Variants in BNC2 observed in about 807,000 individuals in gnomAD.
The protein encoded by BNC2 is basonuclin zinc finger protein 2, also known as zinc finger protein basonuclin-2.
BNC2 carries 20 observed loss-of-function variants against 76.3 expected under a neutral mutation model. The ratio of observed to expected loss-of-function variants is 0.26; its 90% CI spans 0.18 to 0.38. The LOEUF (loss-of-function observed/expected upper bound fraction) is 0.38, where lower values mean the gene tolerates loss of function less well. Among genes scored for constraint, BNC2 ranks in the 10% least tolerant of loss-of-function variants. The probability of loss-of-function intolerance (pLI) is 1.00; values close to 1 mark genes in which losing one functional copy is unlikely to be tolerated. For synonymous variants in BNC2, 582 were observed against 514.8 expected, an observed-to-expected ratio of 1.13 and a Z score of -1.77; for missense variants, 1,382 against 1,399.8, an observed-to-expected ratio of 0.99 and a Z score of 0.20.
intron 1 of BNC2, among the ~76,000 whole-genome samples, chr9:16,838,713 A>C (rs1437144268): frequency 6.6e-6 from 1 of 152,202 alleles, no homozygotes; most frequent in Non-Finnish European, 1.5e-5. Flanking sequence ...TAGACTTCAA[A>C]GTAGACATGA....
rs763039059 is a variant in BNC2, at chr9:16,437,397, T to C, written c.797A>G (p.Lys266Arg). The C allele has an allele frequency of 9.3e-6, 15 of 1,611,780 alleles. No individual in the cohort carries two copies. The highest frequency in any genetic ancestry group is 1.3e-5 in the Non-Finnish European group (15 of 1,178,136). ...TGGTACAGCCACGGCCTGCCCTTCT[T>C]TCTCCTGAATTGCCATCAGCTCCAC... Reference protein sequence around the residue: ...SIVELMAIQEKEGQAVAVPSS... With the variant: ...SIVELMAIQEREGQAVAVPSS... Residue 266 changes from lysine (K) to arginine (R), a missense_variant, in exon 6 of 7, where the codon AAA becomes AGA. By Grantham distance (26) the Lys-to-Arg change is conservative. Coordinates refer to ENST00000380672, the MANE Select transcript of BNC2 (RefSeq NM_017637.6).
intron 3 of BNC2, among the ~76,000 whole-genome samples, chr9:16,682,118 T>C (rs530688730): frequency 2.2e-3 from 328 of 151,972 alleles, no homozygotes; most frequent in African/African-American, 7.6e-3. Flanking sequence ...AAATAAGTTA[T>C]ACCCATTTAA....
In BNC2 at chr9:16,542,358, C is replaced by T. The variant is rs115847818; in HGVS notation, c.669+10172G>A. 5.3e-5 allele frequency among the ~76,000 whole-genome samples: 8 copies of T among 151,664 alleles called. 1 individual carries two copies. Among genetic ancestry groups the T allele is most frequent in the African/African-American group, 1.7e-4 (7 of 41,306 alleles). On this transcript the variant is annotated intron_variant, in intron 5 of 6. Coordinates refer to ENST00000380672, the MANE Select transcript of BNC2 (RefSeq NM_017637.6). ...GTCCCCTATCTCAAGTCTACCTTGA[C>T]TGAAAAAAAGAGAGAAAGAAAAGAG...
At chr9:16,767,850 A>G (rs1005296642) in intron 1 of BNC2, among the ~76,000 whole-genome samples, 2 of 152,188 alleles carry the variant, frequency 1.3e-5, no homozygotes, top group Non-Finnish European at 2.9e-5. Context: ...AATTTTAAAG[A>G]AAATCCAAAA....
At position 16,460,702 on chromosome 9, in the gene BNC2, A is replaced by T. The variant is rs188900608; in HGVS notation, c.670-23178T>A. Among the ~76,000 whole-genome samples, 23 of 152,284 alleles carry T rather than the reference A, an allele frequency of 1.5e-4. No individual in the cohort carries two copies. The East Asian group carries it at 4.2e-3, about 28-fold the overall frequency. ...GTCACAGAGCGGTGCTTCAACACCG[A>T]GTCTTTTACTTACTATGATCTGCGT... On this transcript the variant is annotated intron_variant, in intron 5 of 6. Coordinates refer to ENST00000380672, the MANE Select transcript of BNC2 (RefSeq NM_017637.6).
At chr9:16,576,801 A>G (rs1467039606) in intron 4 of BNC2, among the ~76,000 whole-genome samples, 1 of 152,324 alleles carries the variant, frequency 6.6e-6, no homozygotes, top group Non-Finnish European at 1.5e-5. Flanking sequence ...GCAATGGCAC[A>G]ATCTCGGCTC....
At chr9:16,651,305 C>T (rs924718970) in intron 3 of BNC2, among the ~76,000 whole-genome samples, 18 of 152,210 alleles carry the variant, frequency 1.2e-4, no homozygotes, top group Non-Finnish European at 1.6e-4. Context: ...AAAAGAAAAA[C>T]AAGTAACTTA....
In BNC2 at chr9:16,498,296, C is replaced by G. The variant is rs1206202352; in HGVS notation, c.669+54234G>C. 2.0e-5 allele frequency among the ~76,000 whole-genome samples: 2 copies of G among 102,186 alleles called. 1 individual carries two copies. Among genetic ancestry groups the G allele is most frequent in the Admixed American group, 2.0e-4 (2 of 9,890 alleles). 67.0% of individuals were successfully genotyped at this position (102,186 alleles called of 152,430 possible). Reference sequence around the variant, plus strand: ...TCCATCATATATATATATATTCCATCATATATATATATGAATATATGATGG... The same window carrying G: ...TCCATCATATATATATATATTCCATGATATATATATATGAATATATGATGG... On this transcript the variant is annotated intron_variant, in intron 5 of 6. Transcript: ENST00000380672.
At chr9:16,688,468 T>A (rs1823043863) in intron 3 of BNC2, among the ~76,000 whole-genome samples, 1 of 152,176 alleles carries the variant, frequency 6.6e-6, no homozygotes. Flanking sequence ...TAACCATTAT[T>A]TAATATAAAT....
At chr9:16,540,476 G>T (rs1818285539) in intron 5 of BNC2, among the ~76,000 whole-genome samples, 1 of 152,002 alleles carries the variant, frequency 6.6e-6, no homozygotes, top group Non-Finnish European at 1.5e-5. Flanking sequence ...TGAGTATAGG[G>T]TCTCTATATC....
chr9:16,830,349 G>A lies in BNC2; in HGVS notation c.3+40297C>T, dbSNP rs78646437. On this transcript the variant is annotated intron_variant, in intron 1 of 6. Transcript: ENST00000380672. ...TCCCTCTGAGGATAGCAAAATCTTC[G>A]AACGCTCAAATCCCTTAAAAATTGG... is the stretch of plus-strand genomic sequence containing the variant. Among the ~76,000 whole-genome samples the A allele has an allele frequency of 5.0e-3, 758 of 152,184 alleles. 5 individuals are homozygous for A. Among genetic ancestry groups the A allele is most frequent in the African/African-American group, 0.016 (683 of 41,502 alleles).
intron 1 of BNC2, among the ~76,000 whole-genome samples, chr9:16,766,345 C>T (rs1586866589): frequency 1.3e-5 from 2 of 152,232 alleles, no homozygotes; most frequent in East Asian, 3.9e-4. Flanking sequence ...CATTCTGCAG[C>T]TCTGAACACG....
At chr9:16,540,489 A>C (rs1038529231) in intron 5 of BNC2, among the ~76,000 whole-genome samples, 1 of 152,166 alleles carries the variant, frequency 6.6e-6, no homozygotes, top group Non-Finnish European at 1.5e-5. Context: ...TCTATATCTA[A>C]AACTTTGACT....
At chr9:16,444,285 G>A (rs1429665485) in intron 5 of BNC2, among the ~76,000 whole-genome samples, 2 of 152,030 alleles carry the variant, frequency 1.3e-5, no homozygotes, top group Non-Finnish European at 2.9e-5. Flanking sequence ...ATATAAATGG[G>A]GGTACATGCT....
At chr9:16,496,326 C>T (rs1172200453) in intron 5 of BNC2, among the ~76,000 whole-genome samples, 2 of 152,100 alleles carry the variant, frequency 1.3e-5, no homozygotes, top group Non-Finnish European at 2.9e-5. Context: ...ATAAAGAATT[C>T]GGAGTCTACA....
intron 5 of BNC2, among the ~76,000 whole-genome samples, chr9:16,480,616 C>A (rs1370194965): frequency 6.6e-6 from 1 of 152,204 alleles, no homozygotes; most frequent in Non-Finnish European, 1.5e-5. Context: ...GCAGGCCGGC[C>A]CTGCTGGACC....
chr9:16,849,093 G>C (rs897828145), intron 1 of BNC2, among the ~76,000 whole-genome samples: 1 of 152,104 alleles, frequency 6.6e-6, no homozygotes, highest in South Asian at 2.1e-4. Flanking sequence ...AACACAGGTT[G>C]TTCTAGCTTT....
intron 1 of BNC2, among the ~76,000 whole-genome samples, chr9:16,795,314 C>T (rs940120327): frequency 6.6e-6 from 1 of 151,812 alleles, no homozygotes; most frequent in African/African-American, 2.4e-5. Flanking sequence ...CAGAGACGCC[C>T]AATCTGCACG....
intron 1 of BNC2, among the ~76,000 whole-genome samples, chr9:16,755,757 T>C (rs1434995358): frequency 1.3e-5 from 2 of 152,158 alleles, no homozygotes; most frequent in East Asian, 3.9e-4. Context: ...TCAAATCTGC[T>C]CCTCCTCCAG....
Sources: gnomAD v4.1 joint callset for allele counts (sites outside exome capture counted in the v4.1 genomes callset) on GRCh38, gnomAD v4.1.1 for gene constraint, MANE v1.5 for transcripts, NCBI Gene and HGNC (gene_info 2026-07-23, HGNC 2026-07-21) for gene names.